The following FHIP1B variants were observed in gnomAD, a reference collection of about 807,000 sequenced individuals.
FHIP1B encodes FHF complex subunit HOOK interacting protein 1B.
A neutral mutation model predicts 82.2 loss-of-function variants in FHIP1B; 28 were observed. The ratio of observed to expected loss-of-function variants is 0.34; its 90% CI spans 0.25 to 0.47. The LOEUF (loss-of-function observed/expected upper bound fraction) is 0.47, where lower values mean the gene tolerates loss of function less well. FHIP1B is among the 20% of genes least tolerant of loss of function. The pLI is 1.00. For missense variants in FHIP1B, 1,110 were observed against 1,262.6 expected (o/e 0.88, Z 1.83); for synonymous variants, 585 against 516.1 (o/e 1.13, Z -1.81).
rs368964750 is a variant in FHIP1B, at chr11:6,224,549, C to A, written c.-33G>T. 1.6e-5 allele frequency: 25 copies of A among 1,570,674 alleles called. No homozygotes were observed. In the African/African-American group the frequency reaches 2.5e-4, roughly 15 times the overall value. On this transcript the variant is annotated 5_prime_UTR_variant, in exon 2 of 12. Coordinates refer to ENST00000449352, the MANE Select transcript of FHIP1B (RefSeq NM_001098794.2). ...GCTGGGCAGGACTGGCAGCCAGAGG[C>A]CTACACTCTGAGGATTTGCCAGCTG...
At chr11:6,227,650 T>C (rs1002676975) in intron 1 of FHIP1B, among the ~76,000 whole-genome samples, 4 of 152,084 alleles carry the variant, frequency 2.6e-5, no homozygotes, top group Admixed American at 2.6e-4. Flanking sequence ...AGACAAAAGA[T>C]ACAAATTCAA....
rs972396087 is a variant in FHIP1B at position 6,217,436 on chromosome 11, G to C, written c.2150C>G (p.Pro717Arg). Residue 717 changes from proline (P) to arginine (R), a missense_variant, in exon 9 of 12, where the codon CCC (proline) becomes CGC (arginine). By Grantham distance (103) the Pro-to-Arg change is moderately radical (BLOSUM62 -2). Around this residue, in one of 6 missense-constraint regions of FHIP1B, gnomAD observed 418 missense variants for 371.4 expected, o/e 1.13. Coordinates refer to ENST00000449352, the MANE Select transcript of FHIP1B (RefSeq NM_001098794.2). ...AGGGCTGCTGAGGAAGGGGCCAGGG[G>C]GCTCAGGGGGACAGGTGAAGCTCTC... ...AYESFTCPPEPPGPFLSSPLR... is the reference protein window; with the variant it reads ...AYESFTCPPERPGPFLSSPLR... 4 of 1,614,058 alleles carry C rather than the reference G, an allele frequency of 2.5e-6. No homozygotes were observed. The highest frequency in any genetic ancestry group is 2.2e-5 in the South Asian group (2 of 91,074).
chr11:6,228,831 G>A (rs869069295), intron 1 of FHIP1B, among the ~76,000 whole-genome samples: 1 of 152,008 alleles, frequency 6.6e-6, no homozygotes, highest in Admixed American at 6.5e-5. Context: ...GGATGCACTG[G>A]ACAAGTACTT....
chr11:6,213,924 A>C (rs1029611552), intron 11 of FHIP1B, among the ~76,000 whole-genome samples: 11 of 150,682 alleles, frequency 7.3e-5, no homozygotes, highest in Admixed American at 5.3e-4. Context: ...AAACATCCCA[A>C]CTTCTACTCT....
Position 6,215,120 on chromosome 11 carries a change from T to A in FHIP1B, c.2216-209A>T, listed in dbSNP as rs563383068. 2.5e-5 allele frequency: 11 copies of A among 442,482 alleles called. 1 individual carries two copies. In the South Asian group the frequency reaches 5.7e-4, roughly 23 times the overall value. The allele number at this position is 442,482 out of a possible 1,614,324, so 27.4% of individuals were successfully genotyped here. On this transcript the variant is annotated intron_variant, in intron 9 of 11. Transcript: ENST00000449352. ...ACCCACAAGATTCCAGATGCCAGCTTTACACACATTCAAGCTGACAAGCCA... is the reference window on the plus strand; with the variant it reads ...ACCCACAAGATTCCAGATGCCAGCTATACACACATTCAAGCTGACAAGCCA...
intron 9 of FHIP1B, 123 bp from the exon 10 acceptor site, chr11:6,215,034 T>C (rs1475165562): frequency 4.3e-6 from 4 of 939,670 alleles, no homozygotes; most frequent in Non-Finnish European, 5.9e-6. Context: ...AGCCTCTGGG[T>C]ATGTTTAAAT....
At position 6,224,182 on chromosome 11, in the gene FHIP1B, C is replaced by T. The variant is rs371726305; in HGVS notation, c.205G>A (p.Val69Met). 6 of 1,613,464 alleles carry T rather than the reference C, an allele frequency of 3.7e-6. No individual in the cohort carries two copies. Among genetic ancestry groups the T allele is most frequent in the Non-Finnish European group, 5.1e-6 (6 of 1,179,746 alleles). ...APGGADDLSAVRNHTYQMLTL... is the reference protein window; with the variant it reads ...APGGADDLSAMRNHTYQMLTL... ...AACATCTGGTAAGTGTGGTTGCGCACAGCACTGAGATCGTCTGCACCCCCA... is the reference window on the plus strand; with the variant it reads ...AACATCTGGTAAGTGTGGTTGCGCATAGCACTGAGATCGTCTGCACCCCCA... Residue 69 changes from valine (V) to methionine (M), a missense_variant, in exon 3 of 12, where the codon GTG becomes ATG. Physicochemically the swap from Val to Met is conservative, Grantham distance 21. Coordinates refer to ENST00000449352, the MANE Select transcript of FHIP1B (RefSeq NM_001098794.2).
In FHIP1B at chr11:6,224,211, G is replaced by A. The variant is rs1847499641; in HGVS notation, c.176C>T (p.Ala59Val). Residue 59 changes from alanine to valine, a missense_variant, in exon 3 of 12, where the codon GCT becomes GTT. Physicochemically the swap from Ala to Val is moderately conservative, Grantham distance 64. This residue lies in a region of FHIP1B where 467 missense variants were observed against 602.9 expected (regional missense o/e 0.77). Transcript: ENST00000449352. Reference sequence around the variant, plus strand: ...ACTGAGATCGTCTGCACCCCCAGGAGCTGCCCGAGGGCCTTGCCGCTCCAG... The same window carrying A: ...ACTGAGATCGTCTGCACCCCCAGGAACTGCCCGAGGGCCTTGCCGCTCCAG... The part of the protein sequence containing the change: ...RILERQGPRA[A>V]PGGADDLSAV... The A allele has an allele frequency of 6.2e-7, 1 of 1,611,266 alleles. No individual in the cohort carries two copies. Among genetic ancestry groups the A allele is most frequent in the Non-Finnish European group, 8.5e-7 (1 of 1,178,444 alleles).
intron 6 of FHIP1B, 73 bp from the exon 7 acceptor site, chr11:6,219,123 AC>A: frequency 7.8e-7 from 1 of 1,274,508 alleles, no homozygotes; most frequent in Non-Finnish European, 1.1e-6. Flanking sequence ...CCAAACGGGA[AC>A]CCCACCAGCC....
chr11:6,214,821 T>A lies in FHIP1B; in HGVS notation c.2306A>T (p.Gln769Leu). ...VNFLLTGLVA[Q>L]LACHPQPLLR... The stretch of plus-strand genomic sequence containing the variant: ...CAGGGGCTGGGGGTGACAGGCCAGC[T>A]GGGCCACCAGCCCCGTCAGCAGGAA... The change falls in exon 10 of 12, where the codon CAG becomes CTG. Residue 769 changes from glutamine to leucine, a missense_variant. Coordinates refer to ENST00000449352, the MANE Select transcript of FHIP1B (RefSeq NM_001098794.2). 1 of 1,611,970 alleles carries A rather than the reference T, an allele frequency of 6.2e-7. No individual in the cohort carries two copies. The highest frequency in any genetic ancestry group is 1.1e-5 in the South Asian group (1 of 90,776).
At chr11:6,214,304 C>T in intron 11 of FHIP1B, 107 bp downstream of exon 11, 1 of 1,327,588 alleles carries the variant, frequency 7.5e-7, no homozygotes, top group South Asian at 1.4e-5. Flanking sequence ...TTTTCTACAA[C>T]TCACTAGGTC....
At chr11:6,229,020 G>T (rs543855721) in intron 1 of FHIP1B, among the ~76,000 whole-genome samples, 2 of 152,256 alleles carry the variant, frequency 1.3e-5, no homozygotes, top group African/African-American at 4.8e-5. Context: ...TGTAAATATG[G>T]TCCCTTTATT....
intron 6 of FHIP1B, among the ~76,000 whole-genome samples, chr11:6,219,509 T>C (rs1847347399): frequency 6.6e-6 from 1 of 152,174 alleles, no homozygotes; most frequent in Non-Finnish European, 1.5e-5. Flanking sequence ...ACCGGGAAGA[T>C]TCCCAACTGG....
At chr11:6,218,432 TG>T in intron 8 of FHIP1B, 167 bp downstream of exon 8, 1 of 1,075,568 alleles carries the variant, frequency 9.3e-7, no homozygotes, top group Non-Finnish European at 1.3e-6. Context: ...CTTTGGTGAG[TG>T]TTAAGGGTCC....
chr11:6,233,598 T>C (rs1332052046), intron 1 of FHIP1B, among the ~76,000 whole-genome samples: 3 of 152,218 alleles, frequency 2.0e-5, no homozygotes, highest in Non-Finnish European at 4.4e-5. Flanking sequence ...ATAAACTAGC[T>C]TTTTAAAAAA....
chr11:6,225,916 G>T (rs1487400084), intron 1 of FHIP1B, among the ~76,000 whole-genome samples: 2 of 151,986 alleles, frequency 1.3e-5, no homozygotes, highest in African/African-American at 4.8e-5. Flanking sequence ...ACCCAAACTC[G>T]CTCCCAAGAA....
intron 11 of FHIP1B, among the ~76,000 whole-genome samples, chr11:6,213,739 A>C (rs1396615486): frequency 6.6e-6 from 1 of 152,106 alleles, no homozygotes. Flanking sequence ...TGCCTCATTA[A>C]ATGCTTCCCT....
intron 9 of FHIP1B, chr11:6,216,808 G>T: frequency 1.9e-6 from 1 of 536,996 alleles, no homozygotes; most frequent in Non-Finnish European, 3.3e-6. Flanking sequence ...GAAGGTACAA[G>T]GAAAGCGAAC....
Position 6,211,802 on chromosome 11 carries a change from G to T in FHIP1B, c.2623C>A (p.Arg875=). ...LRHAHSPTRA[R]QAAQLVLQPG... Reference sequence around the variant, plus strand: ...TGAAGGACCAATTGTGCCGCCTGCCGGGCCCTGGTTGGACTGTGTGCATGC... The same window carrying T: ...TGAAGGACCAATTGTGCCGCCTGCCTGGCCCTGGTTGGACTGTGTGCATGC... The change falls in exon 12 of 12, where the codon CGG becomes AGG. Residue 875 remains arginine, a synonymous_variant. Coordinates refer to ENST00000449352, the MANE Select transcript of FHIP1B (RefSeq NM_001098794.2). The T allele has an allele frequency of 1.9e-6, 3 of 1,612,740 alleles. No individual in the cohort carries two copies. Among genetic ancestry groups the T allele is most frequent in the South Asian group, 2.2e-5 (2 of 90,914 alleles).
Sources: gnomAD v4.1 joint callset for allele counts (sites outside exome capture counted in the v4.1 genomes callset) on GRCh38, gnomAD v4.1.1 for gene constraint, gnomAD v4.1.1 regional missense constraint, MANE v1.5 for transcripts, NCBI Gene and HGNC (gene_info 2026-07-23, HGNC 2026-07-21) for gene names.